Variants in SLC25A47 observed in about 807,000 individuals in gnomAD.
SLC25A47 encodes the protein HCC-down-regulated mitochondrial carrier protein.
Under a neutral mutation model 29.8 loss-of-function variants are expected in SLC25A47, and 30 were observed. The observed-to-expected ratio is 1.01, with a 90% CI of 0.75 to 1.36. The LOEUF (loss-of-function observed/expected upper bound fraction) is 1.36. Among genes scored for constraint, SLC25A47 ranks in the 40% most tolerant of loss-of-function variants. The pLI is 0.00. For missense variants in SLC25A47, 430 were observed against 441.9 expected (o/e 0.97, Z 0.24); for synonymous variants, 204 against 197.8 (o/e 1.03, Z -0.26).
intron 1 of SLC25A47, among the ~76,000 whole-genome samples, chr14:100,325,455 C>T (rs535836562): frequency 2.2e-4 from 34 of 152,318 alleles, no homozygotes; most frequent in Admixed American, 3.9e-4. Context: ...TAGGATCAAA[C>T]GTTCTCTCAG....
rs202229264 is a variant in SLC25A47, at chr14:100,327,228, C to T, written c.185C>T (p.Thr62Met). 43 of 1,609,554 alleles carry T rather than the reference C, an allele frequency of 2.7e-5. No individual in the cohort carries two copies. The highest frequency in any genetic ancestry group is 1.2e-4 in the South Asian group (11 of 91,010). ...FYRGLSLPVCTVSLVSSVSFG... is the reference protein window; with the variant it reads ...FYRGLSLPVCMVSLVSSVSFG... ...CGGGGCCTCTCGCTGCCCGTGTGCA[C>T]GGTGTCCCTGGTATCTTCCGTGTCT... is the stretch of plus-strand genomic sequence containing the variant. Residue 62 changes from threonine to methionine, a missense_variant, in exon 4 of 6, where the codon ACG becomes ATG. By Grantham distance (81) the Thr-to-Met change is moderately conservative (BLOSUM62 -1). Transcript: ENST00000361529.
At chr14:100,324,500 C>T (rs1261661178) in intron 1 of SLC25A47, among the ~76,000 whole-genome samples, 1 of 152,222 alleles carries the variant, frequency 6.6e-6, no homozygotes, top group Non-Finnish European at 1.5e-5. Context: ...GCTGGGATTA[C>T]AGGCGTGAGC....
chr14:100,329,753 C>T lies in SLC25A47; in HGVS notation c.*108C>T. 1 of 1,399,156 alleles carries T rather than the reference C, an allele frequency of 7.1e-7. No individual in the cohort carries two copies. The highest frequency in any genetic ancestry group is 9.6e-7 in the Non-Finnish European group (1 of 1,037,840). The allele number at this position is 1,399,156 out of a possible 1,614,324, so 86.7% of individuals were successfully genotyped here. ...GGTTCGGGACCCCACAGGGCCATTG[C>T]CCAGGAGAATGAGGAGCCTCCCTGC... On this transcript the variant is annotated 3_prime_UTR_variant, in exon 6 of 6. Transcript: ENST00000361529.
intron 1 of SLC25A47, among the ~76,000 whole-genome samples, chr14:100,324,278 G>A (rs560054576): frequency 1.8e-4 from 27 of 152,178 alleles, no homozygotes; most frequent in Middle Eastern, 3.4e-3. Flanking sequence ...AGGCTGAAAT[G>A]CACTGGCGTG....
Position 100,328,949 on chromosome 14 carries a change from C to G in SLC25A47, c.551C>G (p.Ala184Gly), listed in dbSNP as rs1368149793. Residue 184 changes from alanine to glycine, a missense_variant, in exon 5 of 6, where the codon GCC becomes GGC. By Grantham distance (60) the Ala-to-Gly change is moderately conservative. Coordinates refer to ENST00000361529, the MANE Select transcript of SLC25A47 (RefSeq NM_207117.4). ...TGCGGCCTCTACAAGGGCAGCTCGG[C>G]CCTGGTCTTACGGGACGGCCACTCC... ...GLCGLYKGSSALVLRDGHSFA... is the reference protein window; with the variant it reads ...GLCGLYKGSSGLVLRDGHSFA... 6.2e-7 allele frequency: 1 copy of G among 1,605,022 alleles called. No individual in the cohort carries two copies. Among genetic ancestry groups the G allele is most frequent in the Non-Finnish European group, 8.5e-7 (1 of 1,179,894 alleles).
chr14:100,329,281 A>G, intron 5 of SLC25A47, 84 bp from the exon 6 acceptor site: 3 of 1,479,972 alleles, frequency 2.0e-6, no homozygotes, highest in African/African-American at 1.4e-5. Context: ...GCAAATGAGG[A>G]CGGGCCGGAA....
intron 1 of SLC25A47, among the ~76,000 whole-genome samples, chr14:100,324,545 GC>G (rs917074118): frequency 1.3e-5 from 2 of 152,172 alleles, no homozygotes; most frequent in African/African-American, 4.8e-5. Context: ...GCCTTTCTCA[GC>G]CCCAGCTAGG....
chr14:100,327,908 G>A (rs1257833443), intron 4 of SLC25A47, among the ~76,000 whole-genome samples: 1 of 152,192 alleles, frequency 6.6e-6, no homozygotes, highest in African/African-American at 2.4e-5. Context: ...CAGGGGTCCA[G>A]ACCACCAGGC....
At position 100,329,014 on chromosome 14, in the gene SLC25A47, T is replaced by C. The variant is rs1893396806; in HGVS notation, c.616T>C (p.Trp206Arg). 3 of 1,599,664 alleles carry C rather than the reference T, an allele frequency of 1.9e-6. No homozygotes were observed. The highest frequency in any genetic ancestry group is 3.3e-5 in the Admixed American group (2 of 59,984). Residue 206 changes from tryptophan to arginine, a missense_variant, in exon 5 of 6, where the codon TGG (tryptophan) becomes CGG (arginine). Transcript: ENST00000361529. ...CCTTTCCTACGCGGTCCTCTGCGAG[T>C]GGCTCAGCCCCGCTGGCCACAGCCG... ...YFLSYAVLCE[W>R]LSPAGHSRPD... is the part of the protein sequence containing the mutation.
At position 100,329,663 on chromosome 14, in the gene SLC25A47, C is replaced by T. The variant is rs112848744; in HGVS notation, c.*18C>T. On this transcript the variant is annotated 3_prime_UTR_variant, in exon 6 of 6. Coordinates refer to ENST00000361529, the MANE Select transcript of SLC25A47 (RefSeq NM_207117.4). ...TCACATAGCCGGTCCCCACGCCCAG[C>T]GGCCCACCCACCAGCAGCTGCTGGA... 34 of 1,591,752 alleles carry T rather than the reference C, an allele frequency of 2.1e-5. No individual in the cohort carries two copies. Among genetic ancestry groups the T allele is most frequent in the South Asian group, 5.6e-5 (5 of 88,760 alleles).
chr14:100,329,280 G>T, intron 5 of SLC25A47, 85 bp from the exon 6 acceptor site: 1 of 1,478,784 alleles, frequency 6.8e-7, no homozygotes, highest in Non-Finnish European at 9.0e-7. Flanking sequence ...TGCAAATGAG[G>T]ACGGGCCGGA....
intron 1 of SLC25A47, among the ~76,000 whole-genome samples, chr14:100,324,563 C>G (rs1483351814): frequency 6.6e-6 from 1 of 152,236 alleles, no homozygotes; most frequent in African/African-American, 2.4e-5. Context: ...TAGGTGCCAG[C>G]CTGGGGCCAG....
Position 100,328,928 on chromosome 14 carries a change from G to T in SLC25A47, c.530G>T (p.Gly177Val). Residue 177 changes from glycine to valine, a missense_variant, in exon 5 of 6, where the codon GGC becomes GTC. Coordinates refer to ENST00000361529, the MANE Select transcript of SLC25A47 (RefSeq NM_207117.4). The stretch of plus-strand genomic sequence containing the variant: ...GTAGCCCGTGAGGAGGGGCTGTGCG[G>T]CCTCTACAAGGGCAGCTCGGCCCTG... Reference protein sequence around the residue: ...ATVAREEGLCGLYKGSSALVL... With the variant: ...ATVAREEGLCVLYKGSSALVL... 1 of 1,607,792 alleles carries T rather than the reference G, an allele frequency of 6.2e-7. No individual in the cohort carries two copies. The highest frequency in any genetic ancestry group is 8.5e-7 in the Non-Finnish European group (1 of 1,179,862).
At chr14:100,327,110 G>A (rs1221482604) in intron 3 of SLC25A47, 78 bp from the exon 4 acceptor site, 52 of 1,409,882 alleles carry the variant, frequency 3.7e-5, no homozygotes, top group Non-Finnish European at 4.7e-5. Context: ...GGAGTGCGGA[G>A]CAGGGCTGAG....
chr14:100,328,102 A>G lies in SLC25A47; in HGVS notation c.328-624A>G, dbSNP rs555473707. On this transcript the variant is annotated intron_variant, in intron 4 of 5. Coordinates refer to ENST00000361529, the MANE Select transcript of SLC25A47 (RefSeq NM_207117.4). The stretch of plus-strand genomic sequence containing the variant: ...GAGTACCCACAAAGTGGCAGCCAGT[A>G]TGTCTAGTGATTTTTTTTTTTTTTT... 1.6e-4 allele frequency among the ~76,000 whole-genome samples: 23 copies of G among 140,542 alleles called. 1 individual carries two copies. In the East Asian group the frequency reaches 5.0e-3, roughly 31 times the overall value. 92.2% of individuals were successfully genotyped at this position (140,542 alleles called of 152,430 possible).
At chr14:100,328,084 C>A (rs950869160) in intron 4 of SLC25A47, among the ~76,000 whole-genome samples, 8 of 151,762 alleles carry the variant, frequency 5.3e-5, no homozygotes, top group Non-Finnish European at 8.8e-5. Context: ...AATGAGTACC[C>A]ACAAAGTGGC....
Position 100,325,914 on chromosome 14 carries a change from G to C in SLC25A47, c.72+83G>C, listed in dbSNP as rs1213465262. ...GGAGACTTTTCTAGAATGCTAAACA[G>C]ACCCACCCCTTTCCTACCCAAATGC... On this transcript the variant is annotated intron_variant, in intron 2 of 5. Coordinates refer to ENST00000361529, the MANE Select transcript of SLC25A47 (RefSeq NM_207117.4). The C allele has an allele frequency of 1.2e-5, 18 of 1,461,866 alleles. No homozygotes were observed. The East Asian group carries it at 4.4e-4, about 36-fold the overall frequency. 90.6% of individuals were successfully genotyped at this position (1,461,866 alleles called of 1,614,324 possible).
intron 2 of SLC25A47, 90 bp from the exon 3 acceptor site, chr14:100,326,067 T>C: frequency 8.3e-7 from 1 of 1,201,018 alleles, no homozygotes; most frequent in Non-Finnish European, 1.2e-6. Flanking sequence ...GCTGGGACAA[T>C]CAAGAGTGTG....
rs981016654 is a variant in SLC25A47 at position 100,328,938 on chromosome 14, G to C, written c.540G>C (p.Lys180Asn). ...AGGAGGGGCTGTGCGGCCTCTACAAGGGCAGCTCGGCCCTGGTCTTACGGG... is the reference window on the plus strand; with the variant it reads ...AGGAGGGGCTGTGCGGCCTCTACAACGGCAGCTCGGCCCTGGTCTTACGGG... ...AREEGLCGLY[K>N]GSSALVLRDG... is the part of the protein sequence containing the mutation. The change falls in exon 5 of 6, where the codon AAG becomes AAC. Residue 180 changes from lysine to asparagine, a missense_variant. Coordinates refer to ENST00000361529, the MANE Select transcript of SLC25A47 (RefSeq NM_207117.4). The C allele has an allele frequency of 3.1e-6, 5 of 1,606,078 alleles. No individual in the cohort carries two copies. The highest frequency in any genetic ancestry group is 3.4e-6 in the Non-Finnish European group (4 of 1,179,896).
Sources: gnomAD v4.1 joint callset for allele counts (sites outside exome capture counted in the v4.1 genomes callset) on GRCh38, gnomAD v4.1.1 for gene constraint, MANE v1.5 for transcripts, NCBI Gene and HGNC (gene_info 2026-07-23, HGNC 2026-07-21) for gene names.